The following PAPPA variants were observed in gnomAD, a reference collection of about 807,000 sequenced individuals.
PAPPA encodes pappalysin 1.
In PAPPA, 60 loss-of-function variants were observed where a neutral mutation model predicts 164.0. The observed-to-expected ratio is 0.37, with a 90% confidence interval of 0.30 to 0.45. PAPPA has a LOEUF of 0.45. Among genes scored for constraint, PAPPA ranks in the 20% least tolerant of loss-of-function variants. PAPPA has a pLI of 1.00. For synonymous variants in PAPPA, 875 were observed against 814.1 expected (o/e 1.07, Z -1.27); for missense variants, 1,782 against 2,087.3 (o/e 0.85, Z 2.85).
intron 2 of PAPPA, among the ~76,000 whole-genome samples, chr9:116,203,021 G>A (rs1844189634): frequency 1.3e-5 from 2 of 152,156 alleles, no homozygotes; most frequent in Admixed American, 1.3e-4. Context: ...AACCAGCAGA[G>A]TATAGTGAGA....
intron 7 of PAPPA, among the ~76,000 whole-genome samples, chr9:116,249,923 T>C (rs778179954): frequency 1.3e-5 from 2 of 152,176 alleles, no homozygotes; most frequent in Non-Finnish European, 2.9e-5. Context: ...TTCTTTCCTA[T>C]GCAGAGATGC....
At chr9:116,266,057 A>G in intron 8 of PAPPA, 72 bp downstream of exon 8, 2 of 1,368,520 alleles carry the variant, frequency 1.5e-6, no homozygotes, top group East Asian at 4.7e-5. Flanking sequence ...GGTGCTGAAC[A>G]GAAGAGCTTA....
rs1301505834 is a variant in PAPPA at position 116,271,389 on chromosome 9, C to T, written c.2926C>T (p.Arg976Ter). Residue 976 changes from arginine (R) to a stop codon, truncating the protein, a stop_gained, in exon 9 of 22, where the codon CGA becomes TGA. Transcript: ENST00000328252. LOFTEE classifies it high-confidence loss of function. The surrounding 1 kb of genome is among the most constrained non-coding windows in gnomAD (Gnocchi z 4.2). ...TGGTGATGGCTGCTCCCTTTTCTGC[C>T]GACAAGAAGTCTCCTTCAATTGTAT... ...INGDGCSLFC[R>*]QEVSFNCIDE... is the part of the protein sequence containing the mutation. 7 of 1,613,300 alleles carry T rather than the reference C, an allele frequency of 4.3e-6. No individual in the cohort carries two copies. The highest frequency in any genetic ancestry group is 2.2e-5 in the East Asian group (1 of 44,882).
At chr9:116,267,881 CAAAAAAAAAA>C (rs61670954) in intron 8 of PAPPA, among the ~76,000 whole-genome samples, 6 of 57,588 alleles carry the variant, frequency 1.0e-4, no homozygotes, top group South Asian at 1.6e-3. Flanking sequence ...GACTCCGTCT[CAAAAAAAAAA>C]AAAAAAAAAA....
intron 10 of PAPPA, among the ~76,000 whole-genome samples, chr9:116,312,288 C>CTTTTTTTTTTTTT (rs5900201): frequency 4.5e-3 from 580 of 129,496 alleles, no homozygotes; most frequent in Non-Finnish European, 5.4e-3. Context: ...TTCTTTCTTT[C>CTTTTTTTTTTTTT]TTTTTTTTTT....
chr9:116,242,898 C>T (rs1844752575), intron 7 of PAPPA, among the ~76,000 whole-genome samples: 1 of 152,138 alleles, frequency 6.6e-6, no homozygotes, highest in Admixed American at 6.6e-5. Flanking sequence ...TATGACTTCT[C>T]ATTGACATTT....
chr9:116,220,943 C>A (rs964051490), intron 5 of PAPPA, among the ~76,000 whole-genome samples: 1 of 146,204 alleles, frequency 6.8e-6, no homozygotes. Flanking sequence ...AATTTTTGCA[C>A]CAAATGTTTT....
chr9:116,248,208 A>G (rs1844819227), intron 7 of PAPPA, among the ~76,000 whole-genome samples: 1 of 152,202 alleles, frequency 6.6e-6, no homozygotes, highest in South Asian at 2.1e-4. Context: ...GAAAAGATAA[A>G]TTGTACTTTA....
At chr9:116,283,311 T>A (rs1845289577) in intron 9 of PAPPA, among the ~76,000 whole-genome samples, 1 of 152,204 alleles carries the variant, frequency 6.6e-6, no homozygotes, top group East Asian at 1.9e-4. Flanking sequence ...GGAAAGCCTC[T>A]GGTGCAGGGG....
intron 17 of PAPPA, among the ~76,000 whole-genome samples, chr9:116,362,256 T>TAAA (rs111886942): frequency 8.0e-5 from 12 of 149,536 alleles, no homozygotes; most frequent in South Asian, 2.1e-4. Flanking sequence ...CCTCTCAATT[T>TAAA]AAAAAAAAAA....
intron 1 of PAPPA, among the ~76,000 whole-genome samples, chr9:116,165,023 A>G (rs1443425294): frequency 6.6e-6 from 1 of 152,224 alleles, no homozygotes; most frequent in Non-Finnish European, 1.5e-5. Flanking sequence ...AGCTGGGTAA[A>G]GACGAGTACC....
intron 10 of PAPPA, among the ~76,000 whole-genome samples, chr9:116,303,584 C>T (rs748570121): frequency 5.1e-4 from 78 of 152,140 alleles, no homozygotes; most frequent in Middle Eastern, 3.2e-3. Flanking sequence ...CATGCTGTCC[C>T]GAGAGCCCCC....
intron 7 of PAPPA, among the ~76,000 whole-genome samples, chr9:116,254,513 T>C (rs1844898173): frequency 6.6e-6 from 1 of 152,144 alleles, no homozygotes; most frequent in Non-Finnish European, 1.5e-5. Flanking sequence ...CCGGGCGCGG[T>C]GGCTCACACC....
At chr9:116,182,576 G>A (rs1404558074) in intron 1 of PAPPA, among the ~76,000 whole-genome samples, 4 of 152,194 alleles carry the variant, frequency 2.6e-5, no homozygotes. Context: ...TACCCCTAAT[G>A]CCCAGAGTAT....
intron 1 of PAPPA, among the ~76,000 whole-genome samples, chr9:116,179,531 C>T (rs1275765624): frequency 3.3e-5 from 5 of 152,200 alleles, no homozygotes; most frequent in Admixed American, 2.6e-4. Context: ...GTATGTCTCC[C>T]TTTAAGCCTC....
At chr9:116,169,502 T>C (rs1457178400) in intron 1 of PAPPA, among the ~76,000 whole-genome samples, 1 of 151,400 alleles carries the variant, frequency 6.6e-6, no homozygotes, top group Non-Finnish European at 1.5e-5. Flanking sequence ...GTATTTTTAT[T>C]AGAGACAGGG....
At chr9:116,221,232 A>G (rs1017101845) in intron 5 of PAPPA, among the ~76,000 whole-genome samples, 1 of 152,274 alleles carries the variant, frequency 6.6e-6, no homozygotes, top group East Asian at 1.9e-4. Flanking sequence ...AGGGGACCAG[A>G]TTTAAAAGGG....
chr9:116,353,217 G>A (rs567634431), intron 16 of PAPPA, among the ~76,000 whole-genome samples: 7 of 152,158 alleles, frequency 4.6e-5, no homozygotes, highest in Middle Eastern at 3.4e-3. Flanking sequence ...CAGTTACCAC[G>A]TAAGGTTGTT....
chr9:116,371,703 T>C (rs751657812), intron 19 of PAPPA, among the ~76,000 whole-genome samples: 5 of 152,122 alleles, frequency 3.3e-5, no homozygotes, highest in Non-Finnish European at 7.4e-5. Flanking sequence ...TCAGCCTCCT[T>C]CTTTTTTATT....
Sources: gnomAD v4.1 joint callset for allele counts (sites outside exome capture counted in the v4.1 genomes callset) on GRCh38, gnomAD v4.1.1 for gene constraint, Gnocchi (gnomAD v3.1) non-coding constraint, MANE v1.5 for transcripts, NCBI Gene and HGNC (gene_info 2026-07-23, HGNC 2026-07-21) for gene names.